Variants in PTK2 observed in about 807,000 individuals in gnomAD.
PTK2 encodes focal adhesion kinase 1.
In PTK2, 45 loss-of-function variants were observed where a neutral mutation model predicts 150.1. The ratio of observed to expected loss-of-function variants is 0.30; its 90% confidence interval spans 0.24 to 0.38. The LOEUF (loss-of-function observed/expected upper bound fraction) is 0.38. PTK2 is among the 10% of genes least tolerant of loss of function. The pLI, the probability that PTK2 is intolerant of heterozygous loss-of-function variation, is 1.00. For missense variants in PTK2, 919 were observed against 1,307.3 expected, an observed-to-expected ratio of 0.70 and a Z score of 4.58; for synonymous variants, 432 against 449.2, an observed-to-expected ratio of 0.96 and a Z score of 0.48.
intron 26 of PTK2, chr8:140,686,948 C>T: frequency 2.2e-6 from 1 of 463,766 alleles, no homozygotes; most frequent in South Asian, 2.5e-5. Flanking sequence ...GGAGAACCTG[C>T]ACTTTACCTC....
intron 28 of PTK2, 163 bp downstream of exon 31, chr8:140,675,297 T>C: frequency 1.4e-6 from 1 of 720,534 alleles, no homozygotes; most frequent in Admixed American, 2.5e-5. Context: ...TTTTTCCCAA[T>C]ACTCTAGTAA....
chr8:140,767,458 G>C (rs1026771374), intron 14 of PTK2, among the ~76,000 whole-genome samples: 3 of 151,924 alleles, frequency 2.0e-5, no homozygotes, highest in African/African-American at 7.3e-5. Context: ...AGTTTCATAT[G>C]TATGGTAATA....
At chr8:140,768,854 G>A (rs772009603) in intron 14 of PTK2, among the ~76,000 whole-genome samples, 5 of 152,018 alleles carry the variant, frequency 3.3e-5, no homozygotes, top group Non-Finnish European at 5.9e-5. Context: ...CGTTATACTC[G>A]TTATCAATAT....
intron 1 of PTK2, among the ~76,000 whole-genome samples, chr8:140,933,783 G>T (rs2100172728): frequency 6.6e-6 from 1 of 152,038 alleles, no homozygotes; most frequent in African/African-American, 2.4e-5. Context: ...GTTTTCTTTT[G>T]GGGTGAGGGA....
intron 2 of PTK2, among the ~76,000 whole-genome samples, chr8:140,905,049 T>C (rs1001487938): frequency 1.3e-5 from 2 of 152,230 alleles, no homozygotes; most frequent in African/African-American, 4.8e-5. Flanking sequence ...TTGAATGTGT[T>C]TGCTCTTCCT....
chr8:140,892,578 T>C (rs767022537), intron 2 of PTK2: 5 of 454,932 alleles, frequency 1.1e-5, no homozygotes, highest in East Asian at 1.3e-4. Context: ...CAACCCTCTG[T>C]TGGTATCAAA....
intron 22 of PTK2, among the ~76,000 whole-genome samples, chr8:140,721,465 T>C (rs1249033170): frequency 4.6e-5 from 7 of 152,112 alleles, no homozygotes; most frequent in African/African-American, 1.4e-4. Context: ...AATTTACCAA[T>C]GAAAATGTGG....
chr8:140,742,660 A>G (rs1306026535), intron 20 of PTK2, among the ~76,000 whole-genome samples: 1 of 152,202 alleles, frequency 6.6e-6, no homozygotes, highest in Admixed American at 6.5e-5. Context: ...ATCCTCTTCA[A>G]TGAAATGTCT....
intron 17 of PTK2, among the ~76,000 whole-genome samples, chr8:140,748,370 G>A (rs995337391): frequency 1.3e-5 from 2 of 152,008 alleles, no homozygotes; most frequent in Non-Finnish European, 2.9e-5. Flanking sequence ...GTGTGTGCCT[G>A]TAGTCCCAGC....
intron 1 of PTK2, among the ~76,000 whole-genome samples, chr8:140,929,839 G>T (rs184989347): frequency 1.6e-3 from 250 of 151,728 alleles, no homozygotes; most frequent in Non-Finnish European, 3.0e-3. Flanking sequence ...TTTCAGTTAT[G>T]ATAATTAAAC....
At chr8:140,760,913 A>ATT (rs1481080585) in intron 16 of PTK2, among the ~76,000 whole-genome samples, 2 of 152,200 alleles carry the variant, frequency 1.3e-5, no homozygotes, top group African/African-American at 2.4e-5. Context: ...CACCTATAAA[A>ATT]ACTGTTACTG....
chr8:140,900,886 C>T (rs760788510), intron 2 of PTK2, among the ~76,000 whole-genome samples: 13 of 147,358 alleles, frequency 8.8e-5, no homozygotes, highest in Non-Finnish European at 1.7e-4. Context: ...TGACATTCTT[C>T]GCAGAAATAG....
At chr8:140,826,896 C>CGACGGAGTG (rs2100112096) in intron 8 of PTK2, among the ~76,000 whole-genome samples, 1 of 151,874 alleles carries the variant, frequency 6.6e-6, no homozygotes, top group Non-Finnish European at 1.5e-5. Flanking sequence ...CCAGCCTGGG[C>CGACGGAGTG]GACGGAGTGA....
At chr8:140,675,237 C>T (rs1268607166) in intron 28 of PTK2, among the ~76,000 whole-genome samples, 1 of 150,398 alleles carries the variant, frequency 6.6e-6, no homozygotes, top group Non-Finnish European at 1.5e-5. Flanking sequence ...GTGATCTCGG[C>T]TCACTGCAAC....
At chr8:140,938,538 T>C (rs1321986218) in intron 1 of PTK2, among the ~76,000 whole-genome samples, 1 of 152,214 alleles carries the variant, frequency 6.6e-6, no homozygotes, top group Non-Finnish European at 1.5e-5. Flanking sequence ...CCCTGGTGTT[T>C]AGTACTTCTT....
chr8:140,706,147 T>C, exon 24 of PTK2: 1 of 1,612,938 alleles, frequency 6.2e-7, no homozygotes, highest in Non-Finnish European at 8.5e-7. Context: ...TACCATGTGC[T>C]GTGGGCTGGG....
At chr8:140,979,175 G>C (rs1009778078) in intron 1 of PTK2, among the ~76,000 whole-genome samples, 2 of 151,482 alleles carry the variant, frequency 1.3e-5, no homozygotes, top group African/African-American at 4.9e-5. Context: ...ACAAGTTAAT[G>C]GGTGCAGCAC....
chr8:140,987,744 C>T (rs2100193860), intron 1 of PTK2, among the ~76,000 whole-genome samples: 1 of 152,154 alleles, frequency 6.6e-6, no homozygotes. Context: ...TAGTTTGGCA[C>T]TTTAAGAATT....
At chr8:140,954,030 C>T (rs925166172) in intron 1 of PTK2, among the ~76,000 whole-genome samples, 2 of 151,574 alleles carry the variant, frequency 1.3e-5, no homozygotes, top group South Asian at 2.1e-4. Flanking sequence ...TGCAGTGGCA[C>T]GATCTCGGCT....
Sources: allele counts gnomAD v4.1 joint callset (sites outside exome capture counted in the v4.1 genomes callset), GRCh38; gene constraint gnomAD v4.1.1; transcripts MANE v1.5; gene names NCBI Gene and HGNC (gene_info 2026-07-23, HGNC 2026-07-21).